Variants in PARD3 observed in about 807,000 individuals in gnomAD.
The protein encoded by PARD3 is par-3 family cell polarity regulator.
In PARD3, 75 loss-of-function variants were observed where a neutral mutation model predicts 155.4. The ratio of observed to expected loss-of-function variants is 0.48; its 90% CI spans 0.40 to 0.58. The LOEUF (loss-of-function observed/expected upper bound fraction) is 0.58. PARD3 is among the 20% of genes least tolerant of loss of function. The probability of loss-of-function intolerance (pLI) is 0.00; values close to 1 mark genes in which losing one functional copy is unlikely to be tolerated. For synonymous variants in PARD3, 576 were observed against 610.5 expected (o/e 0.94, Z 0.83); for missense variants, 1,642 against 1,721.7 (o/e 0.95, Z 0.82).
At chr10:34,760,793 A>T (rs1320539826) in intron 1 of PARD3, among the ~76,000 whole-genome samples, 1 of 152,164 alleles carries the variant, frequency 6.6e-6, no homozygotes, top group African/African-American at 2.4e-5. Context: ...CACCTGAATA[A>T]GCTTGGAAGC....
chr10:34,702,455 T>C (rs2094296450), intron 1 of PARD3, among the ~76,000 whole-genome samples: 1 of 152,092 alleles, frequency 6.6e-6, no homozygotes, highest in African/African-American at 2.4e-5. Context: ...AGCCCCAGCT[T>C]CCCAATGCTT....
chr10:34,403,095 T>C (rs1370831555), intron 5 of PARD3, among the ~76,000 whole-genome samples: 1 of 152,198 alleles, frequency 6.6e-6, no homozygotes, highest in Non-Finnish European at 1.5e-5. Flanking sequence ...GTAAATGTTT[T>C]GCTAATTAAA....
intron 5 of PARD3, among the ~76,000 whole-genome samples, chr10:34,407,210 T>G (rs1844576962): frequency 6.6e-6 from 1 of 152,034 alleles, no homozygotes; most frequent in East Asian, 1.9e-4. Context: ...GCCAAGGGGG[T>G]GGAGGGGCTT....
intron 1 of PARD3, among the ~76,000 whole-genome samples, chr10:34,754,012 TTTTA>T (rs973284932): frequency 6.6e-6 from 1 of 151,598 alleles, no homozygotes; most frequent in African/African-American, 2.4e-5. Flanking sequence ...GGAATTCTGG[TTTTA>T]TTTATTTTTT....
chr10:34,452,521 G>A (rs1030408426), intron 4 of PARD3, among the ~76,000 whole-genome samples: 3 of 152,138 alleles, frequency 2.0e-5, no homozygotes, highest in Admixed American at 2.0e-4. Flanking sequence ...TTGAAATGAA[G>A]AGCTCAGGCT....
intron 2 of PARD3, among the ~76,000 whole-genome samples, chr10:34,562,802 C>T (rs2085609877): frequency 6.6e-6 from 1 of 151,678 alleles, no homozygotes; most frequent in South Asian, 2.1e-4. Flanking sequence ...ACTCTGTCAC[C>T]TGGGCTGGAG....
At chr10:34,677,980 T>C (rs762278757) in intron 2 of PARD3, among the ~76,000 whole-genome samples, 6 of 152,138 alleles carry the variant, frequency 3.9e-5, no homozygotes, top group Non-Finnish European at 8.8e-5. Flanking sequence ...ATCCACTATA[T>C]ATTGATTGTA....
chr10:34,305,063 A>T (rs1957337449), intron 20 of PARD3, among the ~76,000 whole-genome samples: 1 of 152,242 alleles, frequency 6.6e-6, no homozygotes, highest in Non-Finnish European at 1.5e-5. Flanking sequence ...TTCATTTCAA[A>T]GTATCTGTTC....
chr10:34,659,237 A>G (rs894073410), intron 2 of PARD3, among the ~76,000 whole-genome samples: 2 of 152,198 alleles, frequency 1.3e-5, no homozygotes, highest in Non-Finnish European at 2.9e-5. Flanking sequence ...TTCCTCCACT[A>G]AATAACAGAG....
At chr10:34,408,849 T>A (rs1446428018) in intron 5 of PARD3, among the ~76,000 whole-genome samples, 1 of 132,152 alleles carries the variant, frequency 7.6e-6, no homozygotes, top group Non-Finnish European at 1.8e-5. Flanking sequence ...TATAATAATA[T>A]AATAATATAT....
chr10:34,550,277 A>G (rs889078321), intron 2 of PARD3, among the ~76,000 whole-genome samples: 1 of 152,212 alleles, frequency 6.6e-6, no homozygotes, highest in Non-Finnish European at 1.5e-5. Flanking sequence ...GCTGGAGTGC[A>G]GTGGTAGGAT....
At chr10:34,582,567 A>T (rs1408589749) in intron 2 of PARD3, among the ~76,000 whole-genome samples, 1 of 152,204 alleles carries the variant, frequency 6.6e-6, no homozygotes, top group Non-Finnish European at 1.5e-5. Context: ...TCTCCACATA[A>T]AGAATAATTG....
At chr10:34,634,931 G>A (rs770374308) in intron 2 of PARD3, among the ~76,000 whole-genome samples, 9 of 152,210 alleles carry the variant, frequency 5.9e-5, no homozygotes, top group South Asian at 2.1e-4. Context: ...CACCACAGGC[G>A]AAGCAGGAGT....
intron 5 of PARD3, among the ~76,000 whole-genome samples, chr10:34,419,223 ATGCAAAGAAACAGGCCAGGTGCGG>A (rs1203598110): frequency 6.6e-6 from 1 of 152,184 alleles, no homozygotes; most frequent in African/African-American, 2.4e-5. Context: ...ATAAGAAGTA[ATGCAAAGAAACAGGCCAGGTGCGG>A]TGGCTCATGC....
rs1160789564 is a variant in PARD3 at position 34,339,356 on chromosome 10, C to CA, written c.2409-1931dup. Among the ~76,000 whole-genome samples the CA allele has an allele frequency of 2.1e-3, 300 of 139,748 alleles. 2 individuals are homozygous for CA. The highest frequency in any genetic ancestry group is 6.6e-3 in the African/African-American group (249 of 37,934). The allele number at this position is 139,748 out of a possible 152,430, so 91.7% of individuals were successfully genotyped here. A position where few individuals can be genotyped will look rare whatever the true frequency, so the allele number is the denominator to read the frequency against. ...TGGGCAACAGAGCGAGACTCCGTCTCAAAAAAAAAACAAAAACAAAACAAA... is the reference window on the plus strand; with the variant it reads ...TGGGCAACAGAGCGAGACTCCGTCTCAAAAAAAAAAACAAAAACAAAACAAA... On this transcript the variant is annotated intron_variant, in intron 16 of 24. Transcript: ENST00000374788.
At chr10:34,481,451 A>G (rs1358794511) in intron 3 of PARD3, among the ~76,000 whole-genome samples, 1 of 152,188 alleles carries the variant, frequency 6.6e-6, no homozygotes, top group African/African-American at 2.4e-5. Context: ...GCTACTTATC[A>G]AAACAGGCAT....
At chr10:34,597,195 G>A (rs1031670141) in intron 2 of PARD3, among the ~76,000 whole-genome samples, 3 of 152,044 alleles carry the variant, frequency 2.0e-5, no homozygotes, top group African/African-American at 7.2e-5. Flanking sequence ...GTGATGGCAG[G>A]ACCGGCATGG....
intron 2 of PARD3, among the ~76,000 whole-genome samples, chr10:34,659,209 A>C (rs2093260404): frequency 6.6e-6 from 1 of 152,172 alleles, no homozygotes; most frequent in African/African-American, 2.4e-5. Context: ...AAACCAACAC[A>C]TGTCATCTGC....
At chr10:34,513,425 C>A (rs903650885) in intron 3 of PARD3, among the ~76,000 whole-genome samples, 2 of 152,088 alleles carry the variant, frequency 1.3e-5, no homozygotes, top group South Asian at 4.1e-4. Context: ...GGACTACAGG[C>A]GTGTGCCACC....
Sources: gnomAD v4.1 joint callset for allele counts (sites outside exome capture counted in the v4.1 genomes callset) on GRCh38, gnomAD v4.1.1 for gene constraint, MANE v1.5 for transcripts, NCBI Gene and HGNC (gene_info 2026-07-23, HGNC 2026-07-21) for gene names.